The following LANCL3 variants were observed in gnomAD, a reference collection of about 807,000 sequenced individuals.
LANCL3 encodes the protein LanC like family member 3.
LANCL3 carries 19 observed loss-of-function variants against 26.5 expected under a neutral mutation model. The ratio of observed to expected loss-of-function variants is 0.72; its 90% CI spans 0.50 to 1.05. The LOEUF (loss-of-function observed/expected upper bound fraction) is 1.05. Among genes scored for constraint, LANCL3 ranks in the 50% least tolerant of loss-of-function variants. The pLI is 0.00. For missense variants in LANCL3, 318 were observed against 362.7 expected (o/e 0.88, Z 1.00); for synonymous variants, 160 against 166.6 (o/e 0.96, Z 0.30).
At position 37,683,410 on chromosome X, in the gene LANCL3, C is replaced by T. The variant is rs1926984233; in HGVS notation, c.*7597C>T. 9.0e-6 allele frequency: 1 copy of T among 111,180 alleles called. No individual in the cohort carries two copies. The highest frequency in any genetic ancestry group is 1.9e-5 in the Non-Finnish European group (1 of 52,931). The allele number at this position is 111,180 out of a possible 1,213,427, so 9.2% of individuals were successfully genotyped here. On this transcript the variant is annotated 3_prime_UTR_variant, in exon 5 of 5. Transcript: ENST00000378619. The stretch of plus-strand genomic sequence containing the variant: ...AATTGTACTATTTGCAATATATTTG[C>T]CTTGGCACAAATGCAGAGTTAAAAA...
At chrX:37,654,519 T>C (rs1436989320) in intron 1 of LANCL3, among the ~76,000 whole-genome samples, 1 of 112,208 alleles carries the variant, frequency 8.9e-6, no homozygotes, top group Non-Finnish European at 1.9e-5. Flanking sequence ...GAAGATTGGC[T>C]TCATGAGAGC....
At chrX:37,607,012 G>A (rs1924735862) in intron 1 of LANCL3, among the ~76,000 whole-genome samples, 1 of 112,161 alleles carries the variant, frequency 8.9e-6, no homozygotes, top group African/African-American at 3.2e-5. Flanking sequence ...ACAGTGCCTA[G>A]CACTGTGCTA....
At chrX:37,626,937 T>A (rs1925330886) in intron 1 of LANCL3, among the ~76,000 whole-genome samples, 1 of 112,084 alleles carries the variant, frequency 8.9e-6, no homozygotes, top group Admixed American at 9.5e-5. Flanking sequence ...CTTCTCAGTT[T>A]TAGAACATCT....
chrX:37,674,955 A>G (rs781990035), intron 4 of LANCL3, among the ~76,000 whole-genome samples: 27 of 112,094 alleles, frequency 2.4e-4, no homozygotes, highest in Non-Finnish European at 4.1e-4. Context: ...AAACTACTGT[A>G]AAAATGTTAC....
At chrX:37,633,305 C>T (rs1205557911) in intron 1 of LANCL3, among the ~76,000 whole-genome samples, 1 of 110,874 alleles carries the variant, frequency 9.0e-6, no homozygotes, top group Non-Finnish European at 1.9e-5. Context: ...GCTTTCAGCT[C>T]CGGTTATTCT....
intron 1 of LANCL3, among the ~76,000 whole-genome samples, chrX:37,593,673 T>G (rs1307232494): frequency 4.5e-5 from 5 of 111,781 alleles, no homozygotes; most frequent in Non-Finnish European, 9.4e-5. Context: ...ATCAAGAAAA[T>G]AAATGAGGGC....
At chrX:37,670,631 A>T (rs1926659298) in intron 4 of LANCL3, among the ~76,000 whole-genome samples, 1 of 111,344 alleles carries the variant, frequency 9.0e-6, no homozygotes, top group Admixed American at 9.6e-5. Context: ...TAAATATATG[A>T]GTTCCATATT....
chrX:37,657,765 C>T (rs1926321836), intron 2 of LANCL3, among the ~76,000 whole-genome samples: 1 of 110,679 alleles, frequency 9.0e-6, no homozygotes, highest in Non-Finnish European at 1.9e-5. Context: ...CCAACAATTT[C>T]GAATCCAGCA....
chrX:37,599,680 G>C (rs142416488), intron 1 of LANCL3, among the ~76,000 whole-genome samples: 2 of 112,319 alleles, frequency 1.8e-5, no homozygotes, highest in African/African-American at 6.5e-5. Flanking sequence ...GCACTGTTCA[G>C]AGCACCACAA....
chrX:37,674,517 T>A (rs782395609), intron 4 of LANCL3, among the ~76,000 whole-genome samples: 8 of 111,449 alleles, frequency 7.2e-5, no homozygotes, highest in African/African-American at 2.6e-4. Flanking sequence ...GAAAACTTTT[T>A]TTCTGAGGAG....
intron 1 of LANCL3, among the ~76,000 whole-genome samples, chrX:37,632,418 C>T (rs781876320): frequency 9.0e-6 from 1 of 111,403 alleles, no homozygotes; most frequent in Non-Finnish European, 1.9e-5. Flanking sequence ...ATTTGCCAGT[C>T]TGTGTCTTTT....
intron 1 of LANCL3, among the ~76,000 whole-genome samples, chrX:37,589,356 C>T (rs1233368341): frequency 1.8e-5 from 2 of 111,442 alleles, no homozygotes; most frequent in African/African-American, 6.5e-5. Flanking sequence ...GGCTTAATTT[C>T]TTCACCAACA....
intron 1 of LANCL3, among the ~76,000 whole-genome samples, chrX:37,636,716 A>G (rs1046170726): frequency 1.1e-4 from 12 of 111,796 alleles, no homozygotes; most frequent in African/African-American, 3.9e-4. Context: ...CAGTCCATTT[A>G]GAAAGTATAA....
intron 1 of LANCL3, among the ~76,000 whole-genome samples, chrX:37,592,717 A>G (rs1924322608): frequency 8.9e-6 from 1 of 112,346 alleles, no homozygotes; most frequent in Non-Finnish European, 1.9e-5. Context: ...GAGATTGATA[A>G]TAAGAGAAAA....
chrX:37,582,230 C>T (rs782490612), intron 1 of LANCL3, among the ~76,000 whole-genome samples: 42 of 111,844 alleles, frequency 3.8e-4, no homozygotes, highest in African/African-American at 1.1e-3. Context: ...GTGAATAGTG[C>T]GGCAATAAAC....
At chrX:37,584,050 G>A (rs1253269151) in intron 1 of LANCL3, among the ~76,000 whole-genome samples, 2 of 111,664 alleles carry the variant, frequency 1.8e-5, no homozygotes, top group African/African-American at 6.5e-5. Flanking sequence ...TTTGTCAAAG[G>A]TCTTTTCTGC....
chrX:37,667,893 A>AGGAG (rs1926582873), intron 4 of LANCL3, among the ~76,000 whole-genome samples: 1 of 110,802 alleles, frequency 9.0e-6, no homozygotes, highest in East Asian at 2.8e-4. Context: ...GAAGGGAGAG[A>AGGAG]GGAGGAAAGT....
chrX:37,579,712 A>G (rs1556416796), intron 1 of LANCL3, among the ~76,000 whole-genome samples: 1 of 111,810 alleles, frequency 8.9e-6, no homozygotes, highest in East Asian at 2.8e-4. Flanking sequence ...CATGTAATAT[A>G]TATGTGTGTA....
At chrX:37,597,668 CTTTTTTTTTTT>C (rs57097813) in intron 1 of LANCL3, among the ~76,000 whole-genome samples, 937 of 79,800 alleles carry the variant, frequency 0.012, 10 homozygotes, top group African/African-American at 0.044. Flanking sequence ...CACACGCCAC[CTTTTTTTTTTT>C]TTTTTTTTTT....
Sources: allele counts gnomAD v4.1 joint callset (sites outside exome capture counted in the v4.1 genomes callset), GRCh38; gene constraint gnomAD v4.1.1; transcripts MANE v1.5; gene names NCBI Gene and HGNC (gene_info 2026-07-23, HGNC 2026-07-21).